Variants in PARVA observed in about 807,000 individuals in gnomAD.
The protein encoded by PARVA is alpha-parvin.
Under a neutral mutation model 52.6 loss-of-function variants are expected in PARVA, and 25 were observed. The observed-to-expected ratio is 0.48, with a 90% CI of 0.35 to 0.66. PARVA has a LOEUF of 0.66. PARVA is among the 30% of genes least tolerant of loss of function. The pLI is 0.01. For synonymous variants in PARVA, 185 were observed against 179.1 expected, an observed-to-expected ratio of 1.03 and a Z score of -0.26; for missense variants, 373 against 450.9, an observed-to-expected ratio of 0.83 and a Z score of 1.56.
At chr11:12,490,675 A>C (rs1941224660) in intron 4 of PARVA, among the ~76,000 whole-genome samples, 1 of 152,204 alleles carries the variant, frequency 6.6e-6, no homozygotes, top group South Asian at 2.1e-4. Flanking sequence ...AATAGTGAAC[A>C]AAGATTATCA....
chr11:12,452,219 C>T (rs1287936382), intron 1 of PARVA, among the ~76,000 whole-genome samples: 1 of 152,086 alleles, frequency 6.6e-6, no homozygotes, highest in Non-Finnish European at 1.5e-5. Context: ...TTAAGCCAAC[C>T]AAGCAGCAAA....
chr11:12,379,811 C>T (rs1333504992), intron 1 of PARVA, among the ~76,000 whole-genome samples: 1 of 152,204 alleles, frequency 6.6e-6, no homozygotes, highest in Non-Finnish European at 1.5e-5. Context: ...GAGTAGTGTA[C>T]AGTTGGTGGC....
Position 12,514,035 on chromosome 11 carries a change from G to A in PARVA, c.837G>A (p.Leu279=). The change falls in exon 10 of 13, where the codon CTG becomes CTA. Residue 279 remains leucine (L), a synonymous_variant. Transcript: ENST00000334956. The part of the protein sequence containing the change: ...ITFVNKHLNK[L]NLEVTELETQ... ...TCGTGAACAAGCACCTGAATAAACT[G>A]AACCTGGAGGTCACAGAACTGGAAA... The A allele has an allele frequency of 6.2e-7, 1 of 1,614,006 alleles. No individual in the cohort carries two copies. Among genetic ancestry groups the A allele is most frequent in the South Asian group, 1.1e-5 (1 of 91,078 alleles).
intron 1 of PARVA, among the ~76,000 whole-genome samples, chr11:12,456,420 A>T (rs1041585290): frequency 6.6e-6 from 1 of 152,128 alleles, no homozygotes; most frequent in South Asian, 2.1e-4. Context: ...CTGTATCATC[A>T]GGGTAGTGTA....
intron 12 of PARVA, among the ~76,000 whole-genome samples, chr11:12,521,753 A>T (rs904615309): frequency 3.3e-5 from 5 of 152,198 alleles, no homozygotes; most frequent in Non-Finnish European, 7.3e-5. Context: ...GTGATGTAGC[A>T]TAAGAAAGGC....
At chr11:12,431,333 A>G (rs1441191572) in intron 1 of PARVA, among the ~76,000 whole-genome samples, 2 of 152,098 alleles carry the variant, frequency 1.3e-5, no homozygotes, top group East Asian at 1.9e-4. Flanking sequence ...CATTCTTTCA[A>G]TCTTGGCCTT....
chr11:12,516,653 G>A (rs1325671640), intron 10 of PARVA, among the ~76,000 whole-genome samples: 1 of 152,226 alleles, frequency 6.6e-6, no homozygotes, highest in Non-Finnish European at 1.5e-5. Flanking sequence ...GCAAGAGCAA[G>A]TAAGTCATGT....
intron 1 of PARVA, among the ~76,000 whole-genome samples, chr11:12,454,324 A>C (rs776685475): frequency 6.6e-6 from 1 of 152,230 alleles, no homozygotes; most frequent in Non-Finnish European, 1.5e-5. Flanking sequence ...TTCTTTACAC[A>C]AATTGCCACT....
At position 12,517,581 on chromosome 11, in the gene PARVA, C is replaced by G. The variant is rs1391011048; in HGVS notation, c.868-29C>G. On this transcript the variant is annotated intron_variant, in intron 10 of 12. Coordinates refer to ENST00000334956, the MANE Select transcript of PARVA (RefSeq NM_018222.5). ...GGGGATTGGCTGGGAGGCTCAGGGG[C>G]CAGTGCCATCACCTGGCTCTTCCTC... The G allele has an allele frequency of 8.0e-6, 12 of 1,493,210 alleles. No individual in the cohort carries two copies. In the East Asian group the frequency reaches 2.9e-4, roughly 36 times the overall value. 92.5% of individuals were successfully genotyped at this position (1,493,210 alleles called of 1,614,324 possible).
At chr11:12,386,102 G>C (rs1939568776) in intron 1 of PARVA, among the ~76,000 whole-genome samples, 1 of 152,034 alleles carries the variant, frequency 6.6e-6, no homozygotes, top group Admixed American at 6.6e-5. Context: ...TCCTATCATG[G>C]GTCCATTTTT....
intron 1 of PARVA, among the ~76,000 whole-genome samples, chr11:12,403,779 C>G (rs1288329894): frequency 6.6e-6 from 1 of 152,214 alleles, no homozygotes. Flanking sequence ...ACCTGCACCT[C>G]CCAACATCAG....
chr11:12,527,743 C>A, intron 12 of PARVA, 106 bp from the exon 13 acceptor site: 1 of 853,620 alleles, frequency 1.2e-6, no homozygotes, highest in Non-Finnish European at 2.0e-6. Flanking sequence ...CCCGAACATG[C>A]TGGGTACATG....
At chr11:12,483,768 G>C (rs1163871782) in intron 4 of PARVA, among the ~76,000 whole-genome samples, 1 of 152,158 alleles carries the variant, frequency 6.6e-6, no homozygotes, top group Non-Finnish European at 1.5e-5. Flanking sequence ...CCACTTCTCT[G>C]CGCTGTTGAT....
At chr11:12,395,985 G>A (rs191582309) in intron 1 of PARVA, among the ~76,000 whole-genome samples, 3 of 152,212 alleles carry the variant, frequency 2.0e-5, no homozygotes, top group Non-Finnish European at 4.4e-5. Context: ...TCTGAGCATA[G>A]TTGATTCCAT....
chr11:12,406,661 GTTTTTTTTTTTT>G lies in PARVA; in HGVS notation c.136+28894_136+28905del, dbSNP rs571973101. Among the ~76,000 whole-genome samples the G allele has an allele frequency of 5.7e-4, 44 of 77,792 alleles. 2 individuals are homozygous for G. Among genetic ancestry groups the G allele is most frequent in the Admixed American group, 4.2e-3 (32 of 7,606 alleles). 51.0% of individuals were successfully genotyped at this position (77,792 alleles called of 152,430 possible). ...ATTGTTAGCTATTTAGGTTGTATCT[GTTTTTTTTTTTT>G]TTTTTTTTTTTTTTTGAGACGGAGT... On this transcript the variant is annotated intron_variant, in intron 1 of 12. Transcript: ENST00000334956.
At chr11:12,395,094 A>G (rs1277091089) in intron 1 of PARVA, among the ~76,000 whole-genome samples, 8 of 146,750 alleles carry the variant, frequency 5.5e-5, no homozygotes, top group Non-Finnish European at 7.4e-5. Context: ...TCCATCTCAA[A>G]AAAAAAAAAA....
intron 1 of PARVA, among the ~76,000 whole-genome samples, chr11:12,434,021 G>A (rs1477016603): frequency 6.6e-6 from 1 of 152,130 alleles, no homozygotes; most frequent in Non-Finnish European, 1.5e-5. Context: ...TGTGAGGCTG[G>A]CCGAGAATGA....
chr11:12,461,369 C>A lies in PARVA; in HGVS notation c.137-12376C>A, dbSNP rs562230279. ...GTTACAAATGCTCAGGGCATGTGGA[C>A]ACACACAGATGCACACCCACGCACA... On this transcript the variant is annotated intron_variant, in intron 1 of 12. Transcript: ENST00000334956. 1.5e-3 allele frequency among the ~76,000 whole-genome samples: 221 copies of A among 152,304 alleles called. 1 individual carries two copies. In the Middle Eastern group the frequency reaches 0.024, roughly 16 times the overall value.
At chr11:12,468,286 C>G (rs1940882903) in intron 1 of PARVA, among the ~76,000 whole-genome samples, 1 of 152,214 alleles carries the variant, frequency 6.6e-6, no homozygotes, top group African/African-American at 2.4e-5. Flanking sequence ...CCAGTGCTGG[C>G]ATGGGGACTG....
Sources: allele counts gnomAD v4.1 joint callset (sites outside exome capture counted in the v4.1 genomes callset), GRCh38; gene constraint gnomAD v4.1.1; transcripts MANE v1.5; gene names NCBI Gene and HGNC (gene_info 2026-07-23, HGNC 2026-07-21).